The following PCDHGA5 variants were observed in gnomAD, a reference collection of about 807,000 sequenced individuals.
The protein encoded by PCDHGA5 is protocadherin gamma subfamily A, 5, also known as protocadherin gamma-A5.
Under a neutral mutation model 56.7 loss-of-function variants are expected in PCDHGA5, and 36 were observed. That is an observed-to-expected ratio of 0.64 (90% CI 0.49 to 0.84). PCDHGA5 has a LOEUF of 0.84. Among genes scored for constraint, PCDHGA5 ranks in the 40% least tolerant of loss-of-function variants. The pLI, the probability that PCDHGA5 is intolerant of heterozygous loss-of-function variation, is 0.00. For missense variants in PCDHGA5, 1,305 were observed against 1,201.5 expected, an observed-to-expected ratio of 1.09 and a Z score of -1.27; for synonymous variants, 563 against 520.2, an observed-to-expected ratio of 1.08 and a Z score of -1.12.
At chr5:141,407,559 G>A (rs1210777840) in intron 1 of PCDHGA5, among the ~76,000 whole-genome samples, 1 of 151,834 alleles carries the variant, frequency 6.6e-6, no homozygotes, top group African/African-American at 2.4e-5. Context: ...TAGAACATAA[G>A]CTGAAAGATA....
chr5:141,474,516 T>G (rs999585038), intron 1 of PCDHGA5, among the ~76,000 whole-genome samples: 1 of 152,240 alleles, frequency 6.6e-6, no homozygotes, highest in Non-Finnish European at 1.5e-5. Context: ...GCCCTCTTGC[T>G]GGTCTGGCTA....
At position 141,486,134 on chromosome 5, in the gene PCDHGA5, C is replaced by T; in HGVS notation, c.2422-8673C>T. 6.2e-7 allele frequency: 1 copy of T among 1,614,168 alleles called. No homozygotes were observed. ...TGAGAATTACTATGAATTTGATGTG[C>T]GGGCTCGCGATGGGGGTTCTCCAGC... On this transcript the variant is annotated intron_variant, in intron 1 of 3. Coordinates refer to ENST00000518069, the MANE Select transcript of PCDHGA5 (RefSeq NM_018918.3). The surrounding 1 kb of genome is among the most constrained non-coding windows in gnomAD (Gnocchi z 5.0).
chr5:141,455,876 TTTA>T (rs1271603055), intron 1 of PCDHGA5, among the ~76,000 whole-genome samples: 2 of 146,624 alleles, frequency 1.4e-5, no homozygotes, highest in Non-Finnish European at 1.5e-5. Context: ...TATTTATTTA[TTTA>T]TTTATTTATT....
chr5:141,364,735 T>G lies in PCDHGA5; in HGVS notation c.405T>G (p.Asp135Glu), dbSNP rs1763510715. Reference sequence around the variant, plus strand: ...ATGATAACTTCCCGCGTTTCCGGGATGAAGAGTTAAAAGTAAAAGTTAATG... The same window carrying G: ...ATGATAACTTCCCGCGTTTCCGGGAGGAAGAGTTAAAAGTAAAAGTTAATG... ...DINDNFPRFR[D>E]EELKVKVNEN... is the part of the protein sequence containing the mutation. The change falls in exon 1 of 4, where the codon GAT becomes GAG. Residue 135 changes from aspartate (D) to glutamate (E), a missense_variant. Transcript: ENST00000518069. 2 of 1,613,916 alleles carry G rather than the reference T, an allele frequency of 1.2e-6. No individual in the cohort carries two copies. The highest frequency in any genetic ancestry group is 1.7e-6 in the Non-Finnish European group (2 of 1,179,852).
intron 1 of PCDHGA5, among the ~76,000 whole-genome samples, chr5:141,405,659 G>A (rs867774573): frequency 2.0e-5 from 3 of 152,106 alleles, no homozygotes; most frequent in Non-Finnish European, 4.4e-5. Flanking sequence ...TGTGTTTTTA[G>A]TAGAGACGGG....
At position 141,410,277 on chromosome 5, in the gene PCDHGA5, T is replaced by C. The variant is rs1461250700; in HGVS notation, c.2421+43526T>C. 2.5e-6 allele frequency: 4 copies of C among 1,614,014 alleles called. No homozygotes were observed. In the Admixed American group the frequency reaches 6.7e-5, roughly 27 times the overall value. ...CCCCAGGCTGAACTGCAGTTTTACC[T>C]GGTGGTGGCCTTGGCCTTAATCTCA... On this transcript the variant is annotated intron_variant, in intron 1 of 3. Transcript: ENST00000518069.
intron 1 of PCDHGA5, among the ~76,000 whole-genome samples, chr5:141,464,964 A>G (rs1433148254): frequency 6.6e-6 from 1 of 152,030 alleles, no homozygotes; most frequent in Non-Finnish European, 1.5e-5. Flanking sequence ...CTTGTCTTGA[A>G]CTACTGGCTT....
rs543179504 is a variant in PCDHGA5, at chr5:141,381,358, A to G, written c.2421+14607A>G. ...AGCTTTCTTTTCTTTCTGCTAGCAG[A>G]GGGTAGCCTCGGATCCATCAATAAT... is the stretch of plus-strand genomic sequence containing the variant. On this transcript the variant is annotated intron_variant, in intron 1 of 3. Coordinates refer to ENST00000518069, the MANE Select transcript of PCDHGA5 (RefSeq NM_018918.3). Among the ~76,000 whole-genome samples the G allele has an allele frequency of 4.6e-5, 7 of 152,330 alleles. No individual in the cohort carries two copies. In the South Asian group the frequency reaches 1.4e-3, roughly 32 times the overall value.
At chr5:141,422,375 T>G (rs2096644332) in intron 1 of PCDHGA5, 3 of 1,570,696 alleles carry the variant, frequency 1.9e-6, no homozygotes, top group Admixed American at 1.9e-5. Flanking sequence ...AATGGTCAAG[T>G]CTCCTGTTTT....
At chr5:141,408,303 G>A in intron 1 of PCDHGA5, 3 of 1,613,794 alleles carry the variant, frequency 1.9e-6, no homozygotes, top group Non-Finnish European at 2.5e-6. Flanking sequence ...GAGCCGATCC[G>A]CTACTCGATT....
intron 1 of PCDHGA5, among the ~76,000 whole-genome samples, chr5:141,472,280 A>G (rs988007394): frequency 6.6e-6 from 1 of 152,276 alleles, no homozygotes; most frequent in African/African-American, 2.4e-5. Context: ...AGTGGCTCAC[A>G]CCTGTAATCC....
intron 1 of PCDHGA5, among the ~76,000 whole-genome samples, chr5:141,488,351 C>G (rs1467834410): frequency 6.6e-6 from 1 of 152,132 alleles, no homozygotes; most frequent in African/African-American, 2.4e-5. Context: ...AAACAGCCAC[C>G]CTGTGCATCT....
chr5:141,371,753 C>G, intron 1 of PCDHGA5: 1 of 1,614,050 alleles, frequency 6.2e-7, no homozygotes, highest in Non-Finnish European at 8.5e-7. Context: ...CCGTTTTCCA[C>G]CAGGCCTCCT....
At chr5:141,445,357 G>A (rs115045385) in intron 1 of PCDHGA5, among the ~76,000 whole-genome samples, 18 of 152,258 alleles carry the variant, frequency 1.2e-4, no homozygotes, top group Admixed American at 1.1e-3. Context: ...GTCTGCCCAA[G>A]TCTGGTCCTG....
At chr5:141,389,341 CT>C in intron 1 of PCDHGA5, 1 of 1,614,016 alleles carries the variant, frequency 6.2e-7, no homozygotes, top group Admixed American at 1.7e-5. Flanking sequence ...GGCCAAGTCT[CT>C]TACTGCATCA....
At chr5:141,372,522 G>A (rs759250494) in intron 1 of PCDHGA5, 17 of 1,613,986 alleles carry the variant, frequency 1.1e-5, no homozygotes, top group Non-Finnish European at 1.4e-5. Context: ...GGTGATTCTG[G>A]CAATCTCCCT....
chr5:141,395,748 GA>G (rs1300341557), intron 1 of PCDHGA5: 2 of 152,878 alleles, frequency 1.3e-5, no homozygotes, highest in African/African-American at 4.8e-5. Flanking sequence ...CCTCTTTTCT[GA>G]GCCCTGTTTC....
chr5:141,426,375 G>A, intron 1 of PCDHGA5: 2 of 216,424 alleles, frequency 9.2e-6, no homozygotes, highest in South Asian at 7.8e-5. Flanking sequence ...GGGCACCCTC[G>A]GAGCAGATCC....
intron 1 of PCDHGA5, chr5:141,375,639 CCTTCGACTA>C (rs1771695189): frequency 6.2e-6 from 10 of 1,614,244 alleles, no homozygotes; most frequent in Non-Finnish European, 8.5e-6. Flanking sequence ...GCCCTGCGCT[CCTTCGACTA>C]TGAGCAGTTG....
Sources: gnomAD v4.1 joint callset for allele counts (sites outside exome capture counted in the v4.1 genomes callset) on GRCh38, gnomAD v4.1.1 for gene constraint, Gnocchi (gnomAD v3.1) non-coding constraint, MANE v1.5 for transcripts, NCBI Gene and HGNC (gene_info 2026-07-23, HGNC 2026-07-21) for gene names.